The following ZSCAN21 variants were observed in gnomAD, a reference collection of about 807,000 sequenced individuals.
ZSCAN21 encodes zinc finger and SCAN domain containing 21.
In ZSCAN21, 26 loss-of-function variants were observed where a neutral mutation model predicts 35.6. The ratio of observed to expected loss-of-function variants is 0.73; its 90% CI spans 0.54 to 1.01. ZSCAN21 has a LOEUF of 1.01. ZSCAN21 is among the 50% of genes least tolerant of loss of function. ZSCAN21 has a pLI of 0.00. For missense variants in ZSCAN21, 593 were observed against 587.1 expected, an observed-to-expected ratio of 1.01 and a Z score of -0.10; for synonymous variants, 219 against 219.3, an observed-to-expected ratio of 1.00 and a Z score of 0.01.
chr7:100,064,331 A>G lies in ZSCAN21; in HGVS notation c.1136A>G (p.Tyr379Cys), dbSNP rs1792517390. 6.2e-7 allele frequency: 1 copy of G among 1,613,772 alleles called. No individual in the cohort carries two copies. Among genetic ancestry groups the G allele is most frequent in the African/African-American group, 1.3e-5 (1 of 74,780 alleles). The change falls in exon 4 of 4, where the codon TAT becomes TGT. Residue 379 changes from tyrosine to cysteine, a missense_variant. By Grantham distance (194) the Tyr-to-Cys change is radical. Transcript: ENST00000292450. ...GGGAAAGGCAGCCTCATTCGTCACT[A>G]TCGGATCCACACTGGGGAGAAGCCT... ...FSGKGSLIRH[Y>C]RIHTGEKPYQ...
chr7:100,064,560 C>T lies in ZSCAN21; in HGVS notation c.1365C>T (p.Ser455=), dbSNP rs1486892923. 2 of 1,614,090 alleles carry T rather than the reference C, an allele frequency of 1.2e-6. No individual in the cohort carries two copies. Among genetic ancestry groups the T allele is most frequent in the African/African-American group, 2.7e-5 (2 of 74,934 alleles). Residue 455 remains serine (S), a synonymous_variant, in exon 4 of 4, where the codon AGC becomes AGT. Transcript: ENST00000292450. ...ATCACTGTGGAAAGACCTTCTGTAG[C>T]AAGTCCAATCTTTCCAAACATCAGC... ...WCHHCGKTFC[S]KSNLSKHQRV... is the part of the protein sequence containing the mutation.
chr7:100,061,752 G>A (rs1486667301), intron 3 of ZSCAN21, among the ~76,000 whole-genome samples: 1 of 152,212 alleles, frequency 6.6e-6, no homozygotes, highest in Non-Finnish European at 1.5e-5. Context: ...TGGGCAGAGA[G>A]AGAGAAGCTG....
At chr7:100,054,115 G>A (rs1432564369) in intron 1 of ZSCAN21, among the ~76,000 whole-genome samples, 1 of 152,026 alleles carries the variant, frequency 6.6e-6, no homozygotes, top group Non-Finnish European at 1.5e-5. Context: ...GTGAGATGAC[G>A]TTGCATCTCC....
At chr7:100,055,685 G>A (rs529650848) in intron 1 of ZSCAN21, among the ~76,000 whole-genome samples, 1 of 148,770 alleles carries the variant, frequency 6.7e-6, no homozygotes, top group East Asian at 2.0e-4. Flanking sequence ...CTGTCACCCA[G>A]GCTGGAGTGC....
At chr7:100,051,282 CTTTTTTTTTTTTTTT>C (rs1164734568) in intron 1 of ZSCAN21, among the ~76,000 whole-genome samples, 2 of 34,948 alleles carry the variant, frequency 5.7e-5, no homozygotes, top group African/African-American at 1.0e-4. Flanking sequence ...TAGGGATTTT[CTTTTTTTTTTTTTTT>C]TTTTTTTTTT....
chr7:100,058,145 G>T (rs926785896), intron 3 of ZSCAN21, among the ~76,000 whole-genome samples: 2 of 152,012 alleles, frequency 1.3e-5, no homozygotes, highest in Admixed American at 1.3e-4. Context: ...TTTTTAAAGG[G>T]TCAATTGAAA....
chr7:100,057,525 G>C, intron 2 of ZSCAN21, 120 bp downstream of exon 2: 1 of 1,403,524 alleles, frequency 7.1e-7, no homozygotes, highest in East Asian at 2.3e-5. Context: ...ATTAGACCTT[G>C]TTTCCTCCTA....
At chr7:100,059,673 C>T (rs59991229) in intron 3 of ZSCAN21, among the ~76,000 whole-genome samples, 3,349 of 151,740 alleles carry the variant, frequency 0.022, 130 homozygotes, top group African/African-American at 0.078. Context: ...CTGCCTCAGC[C>T]TCCCGAGTAG....
chr7:100,060,373 T>G (rs961858933), intron 3 of ZSCAN21, among the ~76,000 whole-genome samples: 1 of 151,756 alleles, frequency 6.6e-6, no homozygotes, highest in Non-Finnish European at 1.5e-5. Context: ...ACCATCCTGG[T>G]CAACATGGTG....
At chr7:100,062,176 G>GT (rs1562848956) in intron 3 of ZSCAN21, among the ~76,000 whole-genome samples, 1 of 151,582 alleles carries the variant, frequency 6.6e-6, no homozygotes, top group African/African-American at 2.4e-5. Context: ...GTTTTTGTGA[G>GT]TTTGCCACTC....
chr7:100,056,832 T>C, intron 1 of ZSCAN21, 79 bp from the exon 2 acceptor site: 1 of 619,494 alleles, frequency 1.6e-6, no homozygotes, highest in South Asian at 2.6e-5. Context: ...TTCCACAATT[T>C]CTTGTGTTAA....
chr7:100,049,961 C>T (rs1238230367), intron 1 of ZSCAN21, 120 bp downstream of exon 1: 1 of 152,290 alleles, frequency 6.6e-6, no homozygotes, highest in Non-Finnish European at 1.5e-5. Flanking sequence ...CTAGACCGGT[C>T]CTAGCAGGGC....
At chr7:100,063,548 G>A (rs1193145273) in intron 3 of ZSCAN21, among the ~76,000 whole-genome samples, 1 of 152,064 alleles carries the variant, frequency 6.6e-6, no homozygotes, top group East Asian at 1.9e-4. Context: ...GTTGCAGTGA[G>A]CTGAGGTCAC....
At position 100,051,178 on chromosome 7, in the gene ZSCAN21, C is replaced by CAAAAAAAAAAAAAAAAAAAAAAA. The variant is rs369246193; in HGVS notation, c.-97+1340_-97+1362dup. 1.8e-3 allele frequency among the ~76,000 whole-genome samples: 76 copies of CAAAAAAAAAAAAAAAAAAAAAAA among 41,356 alleles called. 3 individuals carry two copies. Among genetic ancestry groups the CAAAAAAAAAAAAAAAAAAAAAAA allele is most frequent in the Non-Finnish European group, 2.9e-3 (68 of 23,124 alleles). 27.1% of individuals were successfully genotyped at this position (41,356 alleles called of 152,430 possible). ...GGGAAACAAGAGTGAAACTACGTCT[C>CAAAAAAAAAAAAAAAAAAAAAAA]AAAAAAAAAAAAAAAAAAAAAAAAA... On this transcript the variant is annotated intron_variant, in intron 1 of 3. Transcript: ENST00000292450.
chr7:100,053,807 C>T (rs913588152), intron 1 of ZSCAN21, among the ~76,000 whole-genome samples: 6 of 151,858 alleles, frequency 4.0e-5, no homozygotes, highest in Non-Finnish European at 7.4e-5. Flanking sequence ...AACCAGAAAC[C>T]GAAAGGAACC....
chr7:100,060,267 G>A (rs926368633), intron 3 of ZSCAN21, among the ~76,000 whole-genome samples: 22 of 152,028 alleles, frequency 1.4e-4, no homozygotes, highest in Non-Finnish European at 2.8e-4. Context: ...CAGAGGAGGC[G>A]GAAAGAGTTG....
In ZSCAN21 at chr7:100,064,568, A is replaced by G. The variant is rs1195071787; in HGVS notation, c.1373A>G (p.Asn458Ser). The change falls in exon 4 of 4, where the codon AAT becomes AGT. Residue 458 changes from asparagine to serine, a missense_variant. By Grantham distance (46) the Asn-to-Ser change is conservative (BLOSUM62 1). Transcript: ENST00000292450. Reference sequence around the variant, plus strand: ...GGAAAGACCTTCTGTAGCAAGTCCAATCTTTCCAAACATCAGCGAGTCCAC... The same window carrying G: ...GGAAAGACCTTCTGTAGCAAGTCCAGTCTTTCCAAACATCAGCGAGTCCAC... Reference protein sequence around the residue: ...HCGKTFCSKSNLSKHQRVHTG... With the variant: ...HCGKTFCSKSSLSKHQRVHTG... 5 of 1,614,226 alleles carry G rather than the reference A, an allele frequency of 3.1e-6. No individual in the cohort carries two copies. Among genetic ancestry groups the G allele is most frequent in the Non-Finnish European group, 4.2e-6 (5 of 1,180,042 alleles).
rs766637575 is a variant in ZSCAN21, at chr7:100,064,543, G to A, written c.1348G>A (p.Gly450Arg). The A allele has an allele frequency of 8.1e-6, 13 of 1,614,058 alleles. No individual in the cohort carries two copies. Among genetic ancestry groups the A allele is most frequent in the South Asian group, 2.2e-5 (2 of 91,086 alleles). Residue 450 changes from glycine (G) to arginine (R), a missense_variant, in exon 4 of 4, where the codon GGA becomes AGA. Coordinates refer to ENST00000292450, the MANE Select transcript of ZSCAN21 (RefSeq NM_145914.3). The part of the protein sequence containing the change: ...GEKPYWCHHC[G>R]KTFCSKSNLS... ...AAAGCCCTACTGGTGTCATCACTGT[G>A]GAAAGACCTTCTGTAGCAAGTCCAA...
chr7:100,057,698 G>C lies in ZSCAN21; in HGVS notation c.400G>C (p.Val134Leu). ...ERELDEPGHQ[V>L]STPPNEQKPV... ...CCTAGCCATTCCTGATTGTCTCTAG[G>C]TCTCAACTCCTCCAAACGAACAGAA... Residue 134 changes from valine to leucine, a missense_variant and splice_region_variant, in exon 3 of 4, where the codon GTC becomes CTC. By Grantham distance (32) the Val-to-Leu change is conservative (BLOSUM62 1). Transcript: ENST00000292450. 1 of 1,607,952 alleles carries C rather than the reference G, an allele frequency of 6.2e-7. No homozygotes were observed. The highest frequency in any genetic ancestry group is 8.5e-7 in the Non-Finnish European group (1 of 1,176,984).
Sources: gnomAD v4.1 joint callset for allele counts (sites outside exome capture counted in the v4.1 genomes callset) on GRCh38, gnomAD v4.1.1 for gene constraint, MANE v1.5 for transcripts, NCBI Gene and HGNC (gene_info 2026-07-23, HGNC 2026-07-21) for gene names.